GSK3B: variants seen among roughly 807,000 people sequenced by gnomAD.
The protein encoded by GSK3B is glycogen synthase kinase-3 beta.
Under a neutral mutation model 56.4 loss-of-function variants are expected in GSK3B, and 15 were observed. The observed-to-expected ratio is 0.27, with a 90% CI of 0.18 to 0.41. The LOEUF (loss-of-function observed/expected upper bound fraction) is 0.41. GSK3B is among the 10% of genes least tolerant of loss of function. The pLI is 1.00. For synonymous variants in GSK3B, 181 were observed against 188.9 expected (o/e 0.96, Z 0.34); for missense variants, 300 against 513.4 (o/e 0.58, Z 4.02).
intron 10 of GSK3B, among the ~76,000 whole-genome samples, chr3:119,836,105 A>G (rs528583440): frequency 6.6e-6 from 1 of 152,348 alleles, no homozygotes; most frequent in African/African-American, 2.4e-5. Flanking sequence ...AGCCATAGCA[A>G]AATCTGAACG....
chr3:119,847,681 G>A (rs1335536146), intron 9 of GSK3B, among the ~76,000 whole-genome samples: 2 of 152,014 alleles, frequency 1.3e-5, no homozygotes, highest in African/African-American at 2.4e-5. Flanking sequence ...GGAAAGATGT[G>A]GCCAAAGTTT....
intron 3 of GSK3B, among the ~76,000 whole-genome samples, chr3:119,937,646 T>C (rs1333075529): frequency 6.6e-6 from 1 of 152,010 alleles, no homozygotes; most frequent in African/African-American, 2.4e-5. Flanking sequence ...GAAGGAAATT[T>C]ACAGCTGTAA....
At chr3:120,033,903 G>A (rs992903633) in intron 1 of GSK3B, among the ~76,000 whole-genome samples, 2 of 152,074 alleles carry the variant, frequency 1.3e-5, no homozygotes, top group Non-Finnish European at 2.9e-5. Context: ...ACAGCCTTTG[G>A]AACTGTGAGT....
chr3:120,042,521 A>T (rs573347001), intron 1 of GSK3B, among the ~76,000 whole-genome samples: 1 of 152,346 alleles, frequency 6.6e-6, no homozygotes, highest in East Asian at 1.9e-4. Flanking sequence ...AGACCATTCC[A>T]AAGTACCCAA....
chr3:120,087,780 C>G (rs1334252018), intron 1 of GSK3B, among the ~76,000 whole-genome samples: 1 of 152,138 alleles, frequency 6.6e-6, no homozygotes, highest in African/African-American at 2.4e-5. Flanking sequence ...GATTTAATCA[C>G]TTATAAAATT....
chr3:119,925,877 T>A (rs1374469422), intron 3 of GSK3B, among the ~76,000 whole-genome samples: 1 of 152,172 alleles, frequency 6.6e-6, no homozygotes, highest in African/African-American at 2.4e-5. Flanking sequence ...TGTTGCTGAA[T>A]CCAAAGCCAA....
At chr3:119,893,095 C>T (rs2056522035) in intron 7 of GSK3B, among the ~76,000 whole-genome samples, 2 of 152,020 alleles carry the variant, frequency 1.3e-5, no homozygotes, top group South Asian at 4.1e-4. Context: ...GCAACCTCTA[C>T]CTCCCAGGTT....
At chr3:120,088,837 C>A (rs770667455) in intron 1 of GSK3B, among the ~76,000 whole-genome samples, 12 of 152,252 alleles carry the variant, frequency 7.9e-5, no homozygotes, top group Non-Finnish European at 1.6e-4. Flanking sequence ...AGAAGCACCA[C>A]AATCTCACAT....
chr3:119,862,541 A>AG lies in GSK3B; in HGVS notation c.1096+877_1096+878insC, dbSNP rs59019330. Among the ~76,000 whole-genome samples, 1,254 of 149,268 alleles carry AG rather than the reference A, an allele frequency of 8.4e-3. 16 individuals carry two copies. The highest frequency in any genetic ancestry group is 0.029 in the African/African-American group (1,194 of 40,882). ...GAGTATAATAAAAAAAAAAAAAAAA[A>AG]AAGAAAGATATGATACATATGAATA... On this transcript the variant is annotated intron_variant, in intron 9 of 10. Coordinates refer to ENST00000264235, the MANE Select transcript of GSK3B (RefSeq NM_001146156.2).
chr3:119,964,385 GA>G (rs959166829), intron 2 of GSK3B, among the ~76,000 whole-genome samples: 2 of 152,080 alleles, frequency 1.3e-5, no homozygotes, highest in Non-Finnish European at 2.9e-5. Context: ...GAATTGATAA[GA>G]AAAATGTGGT....
intron 7 of GSK3B, among the ~76,000 whole-genome samples, chr3:119,902,912 G>C (rs951263288): frequency 6.6e-6 from 1 of 150,982 alleles, no homozygotes; most frequent in Admixed American, 6.6e-5. Flanking sequence ...ACTGGGTTTC[G>C]CCATGTTCCC....
chr3:119,859,179 G>GTA (rs200890329), intron 9 of GSK3B, among the ~76,000 whole-genome samples: 145 of 68,600 alleles, frequency 2.1e-3, no homozygotes, highest in East Asian at 0.012. Context: ...TTTTATTTGT[G>GTA]TATATAAAAA....
Position 119,998,191 on chromosome 3 carries a change from C to G in GSK3B, c.282+3855G>C, listed in dbSNP as rs571068573. On this transcript the variant is annotated intron_variant, in intron 2 of 10. Coordinates refer to ENST00000264235, the MANE Select transcript of GSK3B (RefSeq NM_001146156.2). ...TAGGATGGCCCTAAATGATACCTGCCTCCTGGTATTCACACCCTTGTTTAA... is the reference window on the plus strand; with the variant it reads ...TAGGATGGCCCTAAATGATACCTGCGTCCTGGTATTCACACCCTTGTTTAA... Among the ~76,000 whole-genome samples the G allele has an allele frequency of 2.0e-5, 3 of 152,272 alleles. No homozygotes were observed. In the East Asian group the frequency reaches 5.8e-4, roughly 29 times the overall value.
At position 120,070,252 on chromosome 3, in the gene GSK3B, AC is replaced by A. The variant is rs770682064; in HGVS notation, c.88+23094del. 1.7e-4 allele frequency among the ~76,000 whole-genome samples: 25 copies of A among 147,686 alleles called. No individual in the cohort carries two copies. The South Asian group carries it at 2.2e-3, about 13-fold the overall frequency. On this transcript the variant is annotated intron_variant, in intron 1 of 10. Coordinates refer to ENST00000264235, the MANE Select transcript of GSK3B (RefSeq NM_001146156.2). ...ACAAAACAAAAAACAAAAAAAAAAA[AC>A]ATCCTGTATATATAACAGTTTAAAT... is the stretch of plus-strand genomic sequence containing the variant.
intron 2 of GSK3B, among the ~76,000 whole-genome samples, chr3:119,961,837 A>G (rs994862539): frequency 1.3e-5 from 2 of 152,184 alleles, no homozygotes; most frequent in Admixed American, 1.3e-4. Flanking sequence ...GAGTACCCAT[A>G]TAGTATTCAA....
chr3:120,079,202 T>C (rs1228032189), intron 1 of GSK3B, among the ~76,000 whole-genome samples: 2 of 150,254 alleles, frequency 1.3e-5, no homozygotes, highest in African/African-American at 4.9e-5. Flanking sequence ...TCAGTCTCCC[T>C]CTGGGAGGGA....
In GSK3B at chr3:119,924,817, T is replaced by C. The variant is rs549758115; in HGVS notation, c.367-1334A>G. Among the ~76,000 whole-genome samples, 6 of 152,312 alleles carry C rather than the reference T, an allele frequency of 3.9e-5. No individual in the cohort carries two copies. In the East Asian group the frequency reaches 7.7e-4, roughly 20 times the overall value. ...TGCCTATTCAGTTAAGTATTGTCTA[T>C]GGCTGCTTTTGGACTACAGTGACAG... is the stretch of plus-strand genomic sequence containing the variant. On this transcript the variant is annotated intron_variant, in intron 3 of 10. Coordinates refer to ENST00000264235, the MANE Select transcript of GSK3B (RefSeq NM_001146156.2).
chr3:119,921,406 G>A (rs1309446882), intron 4 of GSK3B, among the ~76,000 whole-genome samples: 7 of 152,110 alleles, frequency 4.6e-5, no homozygotes, highest in Non-Finnish European at 8.8e-5. Context: ...GGCTACTAAC[G>A]TCAGGAAAAG....
chr3:119,942,968 T>C (rs1324974738), intron 3 of GSK3B, among the ~76,000 whole-genome samples: 1 of 152,196 alleles, frequency 6.6e-6, no homozygotes, highest in Non-Finnish European at 1.5e-5. Flanking sequence ...ATGCTCTAGT[T>C]ACTACAGCAA....
Sources: gnomAD v4.1 joint callset for allele counts (sites outside exome capture counted in the v4.1 genomes callset) on GRCh38, gnomAD v4.1.1 for gene constraint, MANE v1.5 for transcripts, NCBI Gene and HGNC (gene_info 2026-07-23, HGNC 2026-07-21) for gene names.